The following KCNU1 variants were observed in gnomAD, a reference collection of about 807,000 sequenced individuals.
KCNU1 encodes potassium calcium-activated channel subfamily U member 1, also known as potassium channel subfamily U member 1.
In KCNU1, 93 loss-of-function variants were observed where a neutral mutation model predicts 126.8. That is an observed-to-expected ratio of 0.73 (90% CI 0.62 to 0.87). The LOEUF is 0.87. Ranked by LOEUF, KCNU1 falls within the 40% of genes least tolerant of loss-of-function variation. The pLI is 0.00. For synonymous variants in KCNU1, 523 were observed against 494.2 expected (o/e 1.06, Z -0.77); for missense variants, 1,330 against 1,367.1 (o/e 0.97, Z 0.43).
chr8:36,823,981 G>A (rs1409296729), intron 10 of KCNU1, among the ~76,000 whole-genome samples: 1 of 151,870 alleles, frequency 6.6e-6, no homozygotes, highest in Non-Finnish European at 1.5e-5. Flanking sequence ...GGGATTACAG[G>A]CATGCACCAC....
chr8:36,819,002 G>A (rs1287740635), intron 10 of KCNU1, among the ~76,000 whole-genome samples: 1 of 152,116 alleles, frequency 6.6e-6, no homozygotes, highest in Non-Finnish European at 1.5e-5. Flanking sequence ...AGACAGAGAG[G>A]AAATCAATAG....
At chr8:36,932,748 G>A (rs1808737588) in intron 25 of KCNU1, among the ~76,000 whole-genome samples, 172 bp from the exon 26 acceptor site, 1 of 152,052 alleles carries the variant, frequency 6.6e-6, no homozygotes. Context: ...TAGAGTTTCA[G>A]AACTAATCAT....
intron 24 of KCNU1, among the ~76,000 whole-genome samples, chr8:36,925,751 A>G (rs574633634): frequency 6.6e-6 from 1 of 152,286 alleles, no homozygotes; most frequent in East Asian, 1.9e-4. Flanking sequence ...GAGGAAGAGA[A>G]CATTTACCAC....
chr8:36,861,406 T>C (rs1431596588), intron 18 of KCNU1, among the ~76,000 whole-genome samples: 1 of 152,192 alleles, frequency 6.6e-6, no homozygotes, highest in Non-Finnish European at 1.5e-5. Context: ...TCCCTGGCTC[T>C]GGTCTCCTTT....
chr8:36,877,306 T>G (rs1194369437), intron 19 of KCNU1, among the ~76,000 whole-genome samples: 5 of 135,048 alleles, frequency 3.7e-5, no homozygotes, highest in Non-Finnish European at 7.9e-5. Context: ...TTTTCCTCTG[T>G]TTTTTTTTTT....
chr8:36,910,926 T>G lies in KCNU1; in HGVS notation c.2332-4T>G. 2 of 1,598,438 alleles carry G rather than the reference T, an allele frequency of 1.3e-6. No homozygotes were observed. Among genetic ancestry groups the G allele is most frequent in the Non-Finnish European group, 1.7e-6 (2 of 1,167,860 alleles). ...GTGCCTCCTCTCTCTTTTCCTCTCA[T>G]TAGGGATGTGCACTTTATTCTGGAG... is the stretch of plus-strand genomic sequence containing the variant. On this transcript the variant is annotated splice_region_variant and splice_polypyrimidine_tract_variant and intron_variant, in intron 21 of 26. Coordinates refer to ENST00000399881, the MANE Select transcript of KCNU1 (RefSeq NM_001031836.3).
chr8:36,909,390 T>C lies in KCNU1; in HGVS notation c.2186T>C (p.Met729Thr), dbSNP rs548009898. 1 of 1,612,526 alleles carries C rather than the reference T, an allele frequency of 6.2e-7. No individual in the cohort carries two copies. Among genetic ancestry groups the C allele is most frequent in the Non-Finnish European group, 8.5e-7 (1 of 1,178,558 alleles). Residue 729 changes from methionine to threonine, a missense_variant, in exon 21 of 27, where the codon ATG (methionine) becomes ACG (threonine). Physicochemically the swap from Met to Thr is moderately conservative, Grantham distance 81. Around this residue, in one of 3 missense-constraint regions of KCNU1, gnomAD observed 1,054 missense variants for 1,053.9 expected, o/e 1.00. Coordinates refer to ENST00000399881, the MANE Select transcript of KCNU1 (RefSeq NM_001031836.3). ...CVFGDAHSAP[M>T]GLRNFVMPLR... is the part of the protein sequence containing the mutation. ...TTTGGAGATGCCCACTCAGCCCCGA[T>C]GGGGCTTCGGAACTTTGTAATGCCC...
In KCNU1 at chr8:36,787,249, C is replaced by T. The variant is rs1802738738; in HGVS notation, c.196-57C>T. 104 of 1,490,708 alleles carry T rather than the reference C, an allele frequency of 7.0e-5. No individual in the cohort carries two copies. In the South Asian group the frequency reaches 1.3e-3, roughly 19 times the overall value. 92.3% of individuals were successfully genotyped at this position (1,490,708 alleles called of 1,614,324 possible). Reference sequence around the variant, plus strand: ...AGAGGCTCCATCAACGTAAGTAGAACAGATTTCTTTCTCTCAGATCCAGCT... The same window carrying T: ...AGAGGCTCCATCAACGTAAGTAGAATAGATTTCTTTCTCTCAGATCCAGCT... On this transcript the variant is annotated intron_variant, in intron 1 of 26. Transcript: ENST00000399881.
chr8:36,872,348 A>G (rs1247649718), intron 19 of KCNU1, among the ~76,000 whole-genome samples: 1 of 152,154 alleles, frequency 6.6e-6, no homozygotes, highest in East Asian at 1.9e-4. Context: ...TGTACATCCA[A>G]TACCACATCT....
chr8:36,919,382 C>G (rs1414973877), intron 23 of KCNU1, among the ~76,000 whole-genome samples: 1 of 150,424 alleles, frequency 6.6e-6, no homozygotes, highest in East Asian at 2.0e-4. Context: ...TGTATTTCCC[C>G]CCGTCACCTT....
chr8:36,835,623 G>C (rs1804719659), intron 12 of KCNU1, among the ~76,000 whole-genome samples: 1 of 152,114 alleles, frequency 6.6e-6, no homozygotes, highest in Non-Finnish European at 1.5e-5. Context: ...TTACAGGCTG[G>C]GCCACTGCGC....
At chr8:36,862,979 T>C (rs919513092) in intron 18 of KCNU1, among the ~76,000 whole-genome samples, 1 of 152,078 alleles carries the variant, frequency 6.6e-6, no homozygotes, top group Non-Finnish European at 1.5e-5. Context: ...CAGGGCAAAA[T>C]GTAACCTTGA....
intron 25 of KCNU1, among the ~76,000 whole-genome samples, chr8:36,932,008 T>C (rs1808716062): frequency 6.6e-6 from 1 of 152,124 alleles, no homozygotes; most frequent in South Asian, 2.1e-4. Flanking sequence ...CCAGTGTTAC[T>C]GTTAGGGGCA....
At chr8:36,855,825 T>C (rs989669952) in intron 18 of KCNU1, among the ~76,000 whole-genome samples, 5 of 152,164 alleles carry the variant, frequency 3.3e-5, no homozygotes. Flanking sequence ...TATAAAATTC[T>C]TGGTTGGCAG....
intron 18 of KCNU1, among the ~76,000 whole-genome samples, chr8:36,858,238 A>G (rs774190790): frequency 6.6e-5 from 10 of 151,296 alleles, no homozygotes; most frequent in South Asian, 4.2e-4. Context: ...TGTTATCTAC[A>G]TACTGAAATC....
At chr8:36,811,726 G>T (rs1386832942) in intron 7 of KCNU1, among the ~76,000 whole-genome samples, 2 of 151,778 alleles carry the variant, frequency 1.3e-5, no homozygotes, top group Non-Finnish European at 2.9e-5. Flanking sequence ...GAGGTCAGGG[G>T]TTCGAGACCA....
chr8:36,786,465 C>T (rs928468389), intron 1 of KCNU1, among the ~76,000 whole-genome samples: 5 of 152,104 alleles, frequency 3.3e-5, no homozygotes. Context: ...TTTTATCATT[C>T]AGAAAATATG....
At chr8:36,813,383 A>G (rs1803792903) in intron 7 of KCNU1, among the ~76,000 whole-genome samples, 1 of 152,042 alleles carries the variant, frequency 6.6e-6, no homozygotes, top group Non-Finnish European at 1.5e-5. Context: ...TTTGTGCTAA[A>G]TAGAAATGGA....
chr8:36,824,086 C>G (rs1362555060), intron 10 of KCNU1, among the ~76,000 whole-genome samples: 1 of 152,186 alleles, frequency 6.6e-6, no homozygotes, highest in Non-Finnish European at 1.5e-5. Context: ...ATCCACCCGC[C>G]TCTACCTCCC....
Sources: allele counts gnomAD v4.1 joint callset (sites outside exome capture counted in the v4.1 genomes callset), GRCh38; gene constraint gnomAD v4.1.1; regional missense constraint gnomAD v4.1.1; transcripts MANE v1.5; gene names NCBI Gene and HGNC (gene_info 2026-07-23, HGNC 2026-07-21).